APBB1IP: variants seen among roughly 807,000 people sequenced by gnomAD.
APBB1IP encodes amyloid beta A4 precursor protein-binding family B member 1-interacting protein.
Under a neutral mutation model 64.9 loss-of-function variants are expected in APBB1IP, and 27 were observed. The observed-to-expected ratio is 0.42, with a 90% CI of 0.31 to 0.57. The LOEUF is 0.57. APBB1IP is among the 20% of genes least tolerant of loss of function. The probability of loss-of-function intolerance (pLI) is 0.20; values close to 1 mark genes in which losing one functional copy is unlikely to be tolerated. For synonymous variants in APBB1IP, 392 were observed against 331.0 expected (o/e 1.18, Z -2.00); for missense variants, 812 against 845.5 (o/e 0.96, Z 0.49).
At chr10:26,461,653 C>G (rs1396992211) in intron 2 of APBB1IP, among the ~76,000 whole-genome samples, 1 of 151,768 alleles carries the variant, frequency 6.6e-6, no homozygotes, top group East Asian at 1.9e-4. Context: ...GTTTCATATT[C>G]TTTTAGGAAG....
chr10:26,447,101 T>C (rs1460781440), intron 2 of APBB1IP, among the ~76,000 whole-genome samples: 1 of 151,854 alleles, frequency 6.6e-6, no homozygotes. Flanking sequence ...AGGAGGGGTG[T>C]GGTGGCTCAT....
At chr10:26,535,943 A>G (rs1220470014) in intron 9 of APBB1IP, 131 bp from the exon 10 acceptor site, 41 of 866,692 alleles carry the variant, frequency 4.7e-5, no homozygotes, top group Non-Finnish European at 5.9e-5. Context: ...ATATAAACAT[A>G]TGCATTCGAT....
chr10:26,547,727 G>A (rs1268775423), intron 11 of APBB1IP, among the ~76,000 whole-genome samples: 1 of 152,176 alleles, frequency 6.6e-6, no homozygotes, highest in Non-Finnish European at 1.5e-5. Flanking sequence ...TTACAGGCAT[G>A]AGCCACTGCG....
intron 8 of APBB1IP, among the ~76,000 whole-genome samples, chr10:26,524,352 C>A (rs1836443440): frequency 6.6e-6 from 1 of 151,894 alleles, no homozygotes; most frequent in Non-Finnish European, 1.5e-5. Flanking sequence ...AGTTTATTGC[C>A]ATTAGATCAT....
At chr10:26,493,550 A>G (rs1318366271) in intron 3 of APBB1IP, among the ~76,000 whole-genome samples, 1 of 152,216 alleles carries the variant, frequency 6.6e-6, no homozygotes, top group Admixed American at 6.5e-5. Flanking sequence ...CGGTCCCTCC[A>G]TTCGGGGTCC....
chr10:26,552,704 A>T (rs1290098357), intron 11 of APBB1IP, among the ~76,000 whole-genome samples: 1 of 152,136 alleles, frequency 6.6e-6, no homozygotes, highest in South Asian at 2.1e-4. Flanking sequence ...CTTCCTGTTT[A>T]CTTCTAAATT....
At chr10:26,454,214 G>A (rs575919729) in intron 2 of APBB1IP, among the ~76,000 whole-genome samples, 1 of 152,194 alleles carries the variant, frequency 6.6e-6, no homozygotes, top group African/African-American at 2.4e-5. Flanking sequence ...GCTGAGGCAG[G>A]TGAATCACTT....
intron 8 of APBB1IP, among the ~76,000 whole-genome samples, chr10:26,523,803 T>TA (rs150672888): frequency 0.011 from 1,631 of 150,798 alleles, 17 homozygotes; most frequent in Non-Finnish European, 0.018. Context: ...CTCATTTCTT[T>TA]AAAAAAAAAT....
Position 26,492,325 on chromosome 10 carries a change from A to G in APBB1IP, c.1-2A>G. On this transcript the variant is annotated splice_acceptor_variant, in intron 2 of 14. Transcript: ENST00000376236. LOFTEE classifies it low-confidence loss of function (5UTR_SPLICE). ...TAATATCTCAGTTTCTTCCTTTTTCAGATGGGTGAGTCAAGTGAAGACATA... is the reference window on the plus strand; with the variant it reads ...TAATATCTCAGTTTCTTCCTTTTTCGGATGGGTGAGTCAAGTGAAGACATA... The G allele has an allele frequency of 6.2e-7, 1 of 1,613,490 alleles. No homozygotes were observed. Among genetic ancestry groups the G allele is most frequent in the Non-Finnish European group, 8.5e-7 (1 of 1,179,606 alleles).
intron 6 of APBB1IP, among the ~76,000 whole-genome samples, chr10:26,510,020 A>G (rs1182127863): frequency 6.6e-6 from 1 of 152,114 alleles, no homozygotes; most frequent in Non-Finnish European, 1.5e-5. Context: ...CCCATGCTGG[A>G]GTGCAGTGCT....
At chr10:26,513,057 T>G (rs1258645612) in intron 7 of APBB1IP, among the ~76,000 whole-genome samples, 2 of 152,252 alleles carry the variant, frequency 1.3e-5, no homozygotes, top group Non-Finnish European at 2.9e-5. Flanking sequence ...CATTGACTGA[T>G]TGTCCACCTC....
At chr10:26,443,468 A>G (rs1476138055) in intron 2 of APBB1IP, among the ~76,000 whole-genome samples, 2 of 152,024 alleles carry the variant, frequency 1.3e-5, no homozygotes, top group Admixed American at 6.5e-5. Context: ...AATTACTTAT[A>G]TGAGGAAAAT....
At position 26,486,393 on chromosome 10, in the gene APBB1IP, A is replaced by G. The variant is rs980694154; in HGVS notation, c.1-5934A>G. Among the ~76,000 whole-genome samples the G allele has an allele frequency of 5.3e-5, 8 of 152,138 alleles. No homozygotes were observed. In the South Asian group the frequency reaches 1.0e-3, roughly 20 times the overall value. On this transcript the variant is annotated intron_variant, in intron 2 of 14. Transcript: ENST00000376236. The stretch of plus-strand genomic sequence containing the variant: ...ACAGGAAAAGCCAACAGATTCCTCG[A>G]CCGACTAGATGGAAAAATGGGAGGA...
At chr10:26,465,421 CATT>C (rs1835637432) in intron 2 of APBB1IP, among the ~76,000 whole-genome samples, 1 of 152,188 alleles carries the variant, frequency 6.6e-6, no homozygotes, top group South Asian at 2.1e-4. Context: ...AACATCTCAT[CATT>C]ATGGCAAAAG....
chr10:26,487,461 C>G (rs949043866), intron 2 of APBB1IP, among the ~76,000 whole-genome samples: 1 of 152,030 alleles, frequency 6.6e-6, no homozygotes, highest in South Asian at 2.1e-4. Context: ...TTATCTTCAC[C>G]GTGGGTGCAA....
At chr10:26,566,878 C>A (rs1309121880) in intron 14 of APBB1IP, 83 bp from the exon 15 acceptor site, 2 of 1,413,576 alleles carry the variant, frequency 1.4e-6, no homozygotes, top group Non-Finnish European at 1.9e-6. Context: ...CAGAGTGAGA[C>A]CCCGTCTCCA....
intron 8 of APBB1IP, among the ~76,000 whole-genome samples, chr10:26,529,147 C>A (rs532445305): frequency 2.0e-5 from 3 of 152,284 alleles, no homozygotes; most frequent in Non-Finnish European, 4.4e-5. Context: ...AGTCTCATTT[C>A]CCATTTTAAA....
intron 2 of APBB1IP, among the ~76,000 whole-genome samples, chr10:26,484,355 G>A (rs990090988): frequency 6.6e-6 from 1 of 152,136 alleles, no homozygotes; most frequent in African/African-American, 2.4e-5. Flanking sequence ...GCCCAGGCTG[G>A]AGTGCAGCAC....
chr10:26,566,553 C>T (rs557280811), intron 14 of APBB1IP, among the ~76,000 whole-genome samples: 208 of 152,134 alleles, frequency 1.4e-3, no homozygotes, highest in African/African-American at 4.8e-3. Context: ...CATGCCCAGC[C>T]AAAATATTAA....
Sources: gnomAD v4.1 joint callset for allele counts (sites outside exome capture counted in the v4.1 genomes callset) on GRCh38, gnomAD v4.1.1 for gene constraint, MANE v1.5 for transcripts, NCBI Gene and HGNC (gene_info 2026-07-23, HGNC 2026-07-21) for gene names.